TASP1: variants seen among roughly 807,000 people sequenced by gnomAD.
TASP1 encodes taspase 1.
A neutral mutation model predicts 56.6 loss-of-function variants in TASP1; 16 were observed. The observed-to-expected ratio is 0.28, with a 90% CI of 0.19 to 0.43. The LOEUF (loss-of-function observed/expected upper bound fraction) is 0.43. Among genes scored for constraint, TASP1 ranks in the 20% least tolerant of loss-of-function variants. TASP1 has a pLI of 1.00. For missense variants in TASP1, 393 were observed against 511.6 expected (o/e 0.77, Z 2.24); for synonymous variants, 179 against 184.2 (o/e 0.97, Z 0.23).
At chr20:13,269,754 T>C in the TASP1 span, among the ~76,000 whole-genome samples, 405 of 152,354 alleles carry the variant, frequency 2.7e-3, 1 homozygote, top group African/African-American at 9.0e-3. Context: ...TCTTTTCTTC[T>C]TGGCAGTCAC....
intron 8 of TASP1, among the ~76,000 whole-genome samples, chr20:13,549,804 T>C (rs1033728042): frequency 2.0e-5 from 3 of 152,070 alleles, no homozygotes; most frequent in Admixed American, 6.6e-5. Context: ...TCCCTCTCCA[T>C]TGATTCCGTT....
the TASP1 span, among the ~76,000 whole-genome samples, chr20:13,282,734 C>G: frequency 5.4e-4 from 82 of 152,350 alleles, no homozygotes; most frequent in East Asian, 0.016. Flanking sequence ...TGCAGTACCT[C>G]TAAAGCAGTG....
intron 11 of TASP1, among the ~76,000 whole-genome samples, chr20:13,467,444 C>T (rs916587068): frequency 5.3e-5 from 8 of 151,634 alleles, no homozygotes; most frequent in Non-Finnish European, 1.0e-4. Context: ...CTAATTACTC[C>T]CAAATTATTT....
intron 10 of TASP1, among the ~76,000 whole-genome samples, chr20:13,527,943 C>T (rs751851002): frequency 6.6e-6 from 1 of 151,802 alleles, no homozygotes; most frequent in Admixed American, 6.6e-5. Context: ...GTTAGTGGGT[C>T]GGGTGCAGTG....
chr20:13,388,343 C>T (rs6109851), downstream of TASP1, among the ~76,000 whole-genome samples: 2,604 of 151,984 alleles, frequency 0.017, 80 homozygotes, highest in African/African-American at 0.058. Flanking sequence ...ACATTTTTGC[C>T]TCCATGATTC....
At chr20:13,454,756 C>A (rs2043763483) in intron 11 of TASP1, among the ~76,000 whole-genome samples, 1 of 152,098 alleles carries the variant, frequency 6.6e-6, no homozygotes, top group South Asian at 2.1e-4. Flanking sequence ...AATTCCTTCC[C>A]AAGTCTGAGG....
intron 13 of TASP1, among the ~76,000 whole-genome samples, chr20:13,394,002 C>T (rs556496163): frequency 1.1e-3 from 162 of 152,118 alleles, no homozygotes; most frequent in African/African-American, 3.6e-3. Context: ...TTTTTTTGGA[C>T]GGGCGTGGTG....
chr20:13,158,944 C>T, the TASP1 span, among the ~76,000 whole-genome samples: 1 of 152,228 alleles, frequency 6.6e-6, no homozygotes, highest in African/African-American at 2.4e-5. Context: ...TAAAATAATA[C>T]ACCAGCAATC....
chr20:13,299,411 C>CAACA, the TASP1 span: 2 of 1,611,434 alleles, frequency 1.2e-6, no homozygotes, highest in Non-Finnish European at 8.5e-7. This position sits in a 1 kb window ranked among gnomAD's most constrained non-coding sequence, Gnocchi z 5.8. Context: ...CAGAGAGCCC[C>CAACA]TCGGACGAGG....
intron 11 of TASP1, among the ~76,000 whole-genome samples, chr20:13,444,112 T>C (rs1329705118): frequency 1.3e-5 from 2 of 152,196 alleles, no homozygotes; most frequent in African/African-American, 2.4e-5. Context: ...TGTGCATGTA[T>C]AGTGTTAGGA....
chr20:13,458,499 C>A (rs2043931332), intron 11 of TASP1, among the ~76,000 whole-genome samples: 1 of 152,034 alleles, frequency 6.6e-6, no homozygotes, highest in Admixed American at 6.6e-5. Flanking sequence ...AGGTGCCCCC[C>A]ACCATGCCCA....
At chr20:13,544,089 C>G (rs574440262) in intron 8 of TASP1, among the ~76,000 whole-genome samples, 1 of 152,114 alleles carries the variant, frequency 6.6e-6, no homozygotes, top group Non-Finnish European at 1.5e-5. Flanking sequence ...GGAAGTTTTG[C>G]GTGCCCTTTA....
At chr20:13,520,432 C>T (rs545629001) in intron 10 of TASP1, among the ~76,000 whole-genome samples, 44 of 152,174 alleles carry the variant, frequency 2.9e-4, no homozygotes, top group African/African-American at 1.0e-3. Context: ...GAGATATAGA[C>T]CAATGGAACA....
At chr20:13,476,279 T>G (rs188883554) in intron 11 of TASP1, among the ~76,000 whole-genome samples, 3 of 152,348 alleles carry the variant, frequency 2.0e-5, no homozygotes, top group Admixed American at 2.0e-4. Flanking sequence ...TTCTTTGAGA[T>G]CTGAGCTGAC....
At chr20:13,498,684 C>G (rs986678359) in intron 10 of TASP1, among the ~76,000 whole-genome samples, 4 of 136,928 alleles carry the variant, frequency 2.9e-5, no homozygotes, top group Admixed American at 7.5e-5. Context: ...AAATGGCCAA[C>G]AAACATACCA....
chr20:13,357,326 C>G, the TASP1 span, among the ~76,000 whole-genome samples: 1 of 152,130 alleles, frequency 6.6e-6, no homozygotes, highest in Non-Finnish European at 1.5e-5. Flanking sequence ...CCCACCCACC[C>G]CAATTAGGCT....
intron 12 of TASP1, among the ~76,000 whole-genome samples, chr20:13,420,242 G>C (rs1440370916): frequency 6.6e-6 from 1 of 152,040 alleles, no homozygotes; most frequent in Non-Finnish European, 1.5e-5. Flanking sequence ...TATAAATGTA[G>C]TCTGCTTTCA....
chr20:13,163,995 C>G, the TASP1 span, among the ~76,000 whole-genome samples: 1 of 152,182 alleles, frequency 6.6e-6, no homozygotes, highest in East Asian at 1.9e-4. Flanking sequence ...TGTTGGTGTG[C>G]TGCACCCATT....
chr20:13,418,780 T>C (rs994250495), intron 12 of TASP1, among the ~76,000 whole-genome samples: 11 of 152,250 alleles, frequency 7.2e-5, no homozygotes, highest in Non-Finnish European at 1.3e-4. Context: ...TGCCTTTTGA[T>C]AAGATACCTT....
Sources: gnomAD v4.1 joint callset for allele counts (sites outside exome capture counted in the v4.1 genomes callset) on GRCh38, gnomAD v4.1.1 for gene constraint, Gnocchi (gnomAD v3.1) non-coding constraint, MANE v1.5 for transcripts, NCBI Gene and HGNC (gene_info 2026-07-23, HGNC 2026-07-21) for gene names.